The following COL16A1 variants were observed in gnomAD, a reference collection of about 807,000 sequenced individuals.
COL16A1 encodes collagen type XVI alpha 1 chain, also known as collagen alpha-1(XVI) chain.
COL16A1 carries 189 observed loss-of-function variants against 266.3 expected under a neutral mutation model. That is an observed-to-expected ratio of 0.71 (90% CI 0.63 to 0.80). The LOEUF is 0.80. Among genes scored for constraint, COL16A1 ranks in the 30% least tolerant of loss-of-function variants. The probability of loss-of-function intolerance (pLI) is 0.00; values close to 1 mark genes in which losing one functional copy is unlikely to be tolerated. For missense variants in COL16A1, 1,928 were observed against 2,122.4 expected (o/e 0.91, Z 1.80); for synonymous variants, 740 against 782.3 (o/e 0.95, Z 0.90).
In COL16A1 at chr1:31,652,773, G is replaced by C. The variant is rs1171248504; in HGVS notation, c.4693C>G (p.Pro1565Ala). Residue 1565 changes from proline to alanine, a missense_variant, in exon 71 of 71, where the codon CCC (proline) becomes GCC (alanine). Pro to Ala is a conservative substitution (Grantham distance 27, BLOSUM62 -1). This residue lies in a region of COL16A1 where 376 missense variants were observed against 485.2 expected (regional missense o/e 0.77). Transcript: ENST00000373672. This position sits in a 1 kb window ranked among gnomAD's most constrained non-coding sequence, Gnocchi z 4.8. The stretch of plus-strand genomic sequence containing the variant: ...CCTGGCTGGCCCATGGGACCCGGGG[G>C]CCCAGGGATGCCAGGGATGCCTTGC... ...GQQGIPGIPG[P>A]PGPMGQPGKA... The C allele has an allele frequency of 6.3e-6, 10 of 1,599,246 alleles. No individual in the cohort carries two copies. Among genetic ancestry groups the C allele is most frequent in the Non-Finnish European group, 8.5e-6 (10 of 1,175,626 alleles).
chr1:31,691,804 G>C (rs1644283431), intron 17 of COL16A1, among the ~76,000 whole-genome samples, 162 bp from the exon 18 acceptor site: 1 of 151,368 alleles, frequency 6.6e-6, no homozygotes. Context: ...TATGGTGTTA[G>C]AGGTTCGGGG....
intron 4 of COL16A1, among the ~76,000 whole-genome samples, chr1:31,699,165 C>T (rs1644624705): frequency 6.6e-6 from 1 of 152,122 alleles, no homozygotes; most frequent in Non-Finnish European, 1.5e-5. Flanking sequence ...GGTGAAAATA[C>T]AGAGGCACTG....
rs202008432 is a variant in COL16A1, at chr1:31,697,118, A to G, written c.739-30T>C. 560 of 1,613,898 alleles carry G rather than the reference A, an allele frequency of 3.5e-4. 5 individuals carry two copies. The Middle Eastern group carries it at 5.3e-3, about 15-fold the overall frequency. Reference sequence around the variant, plus strand: ...TTGGTGGAAGAGCGGGGCTAGGGTCAGTACAGGAGCAGACTCCTCCTAAGA... The same window carrying G: ...TTGGTGGAAGAGCGGGGCTAGGGTCGGTACAGGAGCAGACTCCTCCTAAGA... On this transcript the variant is annotated intron_variant, in intron 7 of 70. Transcript: ENST00000373672. The surrounding 1 kb of genome is among the most constrained non-coding windows in gnomAD (Gnocchi z 4.2).
chr1:31,658,500 G>T lies in COL16A1; in HGVS notation c.4008C>A (p.His1336Gln), dbSNP rs769339168. 4 of 1,601,960 alleles carry T rather than the reference G, an allele frequency of 2.5e-6. No individual in the cohort carries two copies. The highest frequency in any genetic ancestry group is 1.1e-5 in the South Asian group (1 of 88,222). The change falls in exon 64 of 71, where the codon CAC (histidine) becomes CAA (glutamine). Residue 1336 changes from histidine to glutamine, a missense_variant. His to Gln is a conservative substitution (Grantham distance 24, BLOSUM62 0). This residue lies in a region of COL16A1 where 376 missense variants were observed against 485.2 expected (regional missense o/e 0.77). Coordinates refer to ENST00000373672, the MANE Select transcript of COL16A1 (RefSeq NM_001856.4). The part of the protein sequence containing the change: ...GLPGQPGPPG[H>Q]PGPPGEPGTD... ...TGTGGGATCTTACTGGGGGGCCAGG[G>T]TGTCCAGGGGGGCCGGGCTGGCCTG...
Position 31,691,649 on chromosome 1 carries a change from G to T in COL16A1, c.1258-7C>A. The T allele has an allele frequency of 6.2e-7, 1 of 1,612,910 alleles. No individual in the cohort carries two copies. The highest frequency in any genetic ancestry group is 8.5e-7 in the Non-Finnish European group (1 of 1,179,586). The stretch of plus-strand genomic sequence containing the variant: ...AGATCTCTCCTGGCCGGCCCTGTGG[G>T]GGGATAAGGGGGAGGGTGTACAAAC... On this transcript the variant is annotated splice_polypyrimidine_tract_variant and splice_region_variant and intron_variant, in intron 17 of 70. Coordinates refer to ENST00000373672, the MANE Select transcript of COL16A1 (RefSeq NM_001856.4).
intron 48 of COL16A1, among the ~76,000 whole-genome samples, 164 bp downstream of exon 48, chr1:31,671,451 G>A (rs1642693399): frequency 6.6e-6 from 1 of 152,200 alleles, no homozygotes; most frequent in Admixed American, 6.5e-5. Context: ...GGTGGTGGGA[G>A]AGCACAGTCC....
In COL16A1 at chr1:31,661,457, C is replaced by T. The variant is rs1385445442; in HGVS notation, c.3728G>A (p.Gly1243Asp). ...AGGATGTCCTGTTTTCCCCTTAAAG[C>T]CCTGAAAGAAAAAGCAGGGAGTTCT... ...AGPPGLMGPP[G>D]FKGKTGHPGL... The change falls in exon 60 of 71, where the codon GGC (glycine) becomes GAC (aspartate). Residue 1243 changes from glycine (G) to aspartate (D), a missense_variant and splice_region_variant. This residue lies in a region of COL16A1 where 1,552 missense variants were observed against 1,637.2 expected (regional missense o/e 0.95). Transcript: ENST00000373672. 1.2e-6 allele frequency: 2 copies of T among 1,614,186 alleles called. No homozygotes were observed. The highest frequency in any genetic ancestry group is 1.7e-6 in the Non-Finnish European group (2 of 1,180,048).
In COL16A1 at chr1:31,660,626, C is replaced by T. The variant is rs1268149181; in HGVS notation, c.3838G>A (p.Ala1280Thr). The change falls in exon 62 of 71, where the codon GCC (alanine) becomes ACC (threonine). Residue 1280 changes from alanine (A) to threonine (T), a missense_variant. Around this residue, in one of 2 missense-constraint regions of COL16A1, gnomAD observed 376 missense variants for 485.2 expected, o/e 0.77. Coordinates refer to ENST00000373672, the MANE Select transcript of COL16A1 (RefSeq NM_001856.4). ...GRPGAEGEPG[A>T]MGPQGRPGPP... ...CCGGGTCTTCCCTGGGGTCCCATGG[C>T]ACCAGGTTCACCCTGCAGGAGCCAG... 1.2e-6 allele frequency: 2 copies of T among 1,614,144 alleles called. No individual in the cohort carries two copies. The highest frequency in any genetic ancestry group is 2.2e-5 in the East Asian group (1 of 44,882).
Position 31,688,495 on chromosome 1 carries a change from G to T in COL16A1, c.1775C>A (p.Ala592Asp), listed in dbSNP as rs757109752. 6.2e-6 allele frequency: 10 copies of T among 1,614,066 alleles called. No individual in the cohort carries two copies. In the South Asian group the frequency reaches 1.1e-4, roughly 18 times the overall value. ...CTCTCCTTTCAGCCCTGGAACCCCAGCTCTACCCTGAAAAACAACCAAGAC... is the reference window on the plus strand; with the variant it reads ...CTCTCCTTTCAGCCCTGGAACCCCATCTCTACCCTGAAAAACAACCAAGAC... ...GFGLPGLPGRAGVPGLKGEKG... is the reference protein window; with the variant it reads ...GFGLPGLPGRDGVPGLKGEKG... The change falls in exon 26 of 71, where the codon GCT (alanine) becomes GAT (aspartate). Residue 592 changes from alanine (A) to aspartate (D), a missense_variant. Transcript: ENST00000373672. The surrounding 1 kb of genome is among the most constrained non-coding windows in gnomAD (Gnocchi z 4.9).
chr1:31,689,492 A>C (rs1174295423), intron 23 of COL16A1: 3 of 571,808 alleles, frequency 5.2e-6, no homozygotes, highest in Non-Finnish European at 6.2e-6. Flanking sequence ...AGCTTGCCCA[A>C]AAGGCACCCT....
chr1:31,668,871 C>A lies in COL16A1; in HGVS notation c.3196-16G>T, dbSNP rs1642382262. ...CTTGAAGGCCCTTGGAGAGAAAAAT[C>A]ATGAGAAACTGCAGGAGCCGGCGGT... On this transcript the variant is annotated splice_polypyrimidine_tract_variant and intron_variant, in intron 49 of 70. Transcript: ENST00000373672. The surrounding 1 kb of genome is among the most constrained non-coding windows in gnomAD (Gnocchi z 5.8). 1.2e-6 allele frequency: 2 copies of A among 1,612,642 alleles called. No individual in the cohort carries two copies. Among genetic ancestry groups the A allele is most frequent in the Admixed American group, 1.7e-5 (1 of 59,818 alleles).
intron 69 of COL16A1, 41 bp from the exon 70 acceptor site, chr1:31,653,717 A>T: frequency 3.1e-6 from 5 of 1,599,018 alleles, no homozygotes; most frequent in Non-Finnish European, 4.3e-6. Context: ...CCTGAGCAGA[A>T]AAATGACACA....
chr1:31,703,380 G>A (rs1644788296), intron 1 of COL16A1, among the ~76,000 whole-genome samples: 1 of 151,982 alleles, frequency 6.6e-6, no homozygotes, highest in Non-Finnish European at 1.5e-5. Context: ...CTTCTCCCTG[G>A]GACAGAACTG....
Position 31,685,716 on chromosome 1 carries a change from G to A in COL16A1, c.1939C>T (p.Arg647Cys), listed in dbSNP as rs745543018. ...GATGGGCCAGGCAAGGCCACCACACGGACATCCCCATCCTGAAGGTTGGAC... is the reference window on the plus strand; with the variant it reads ...GATGGGCCAGGCAAGGCCACCACACAGACATCCCCATCCTGAAGGTTGGAC... ...ALSNLQDGDV[R>C]VVALPGPSGE... Residue 647 changes from arginine (R) to cysteine (C), a missense_variant, in exon 29 of 71, where the codon CGT becomes TGT. By Grantham distance (180) the Arg-to-Cys change is radical (BLOSUM62 -3). Around this residue, in one of 2 missense-constraint regions of COL16A1, gnomAD observed 1,552 missense variants for 1,637.2 expected, o/e 0.95. Coordinates refer to ENST00000373672, the MANE Select transcript of COL16A1 (RefSeq NM_001856.4). The surrounding 1 kb of genome is among the most constrained non-coding windows in gnomAD (Gnocchi z 4.0). 9.3e-6 allele frequency: 15 copies of A among 1,613,870 alleles called. No individual in the cohort carries two copies. Among genetic ancestry groups the A allele is most frequent in the Admixed American group, 5.0e-5 (3 of 59,998 alleles).
rs1644669774 is a variant in COL16A1 at position 31,700,077 on chromosome 1, A to G, written c.112T>C (p.Leu38=). The change falls in exon 3 of 71, where the codon TTG becomes CTG. Residue 38 remains leucine (L), a synonymous_variant. Coordinates refer to ENST00000373672, the MANE Select transcript of COL16A1 (RefSeq NM_001856.4). ...CPPSQQEGLK[L]EHSSSLPANV... Reference sequence around the variant, plus strand: ...GCTGGCAGGCTACTACTGTGTTCCAATTTGAGTCCTTCCTGCTGTGAAGGT... The same window carrying G: ...GCTGGCAGGCTACTACTGTGTTCCAGTTTGAGTCCTTCCTGCTGTGAAGGT... The G allele has an allele frequency of 1.9e-6, 3 of 1,614,146 alleles. No homozygotes were observed. The highest frequency in any genetic ancestry group is 2.5e-6 in the Non-Finnish European group (3 of 1,180,030).
intron 2 of COL16A1, 136 bp from the exon 3 acceptor site, chr1:31,700,251 C>T: frequency 1.3e-6 from 1 of 794,610 alleles, no homozygotes; most frequent in Non-Finnish European, 2.1e-6. Flanking sequence ...GCCTTCACCA[C>T]CTGCCTTCTG....
rs536643803 is a variant in COL16A1, at chr1:31,698,780, C to A, written c.267-174G>T. ...CTGAGTGCCTTCCGCGAGCTAGGTG[C>A]GGGTCTGGCTGCTGGGAATAACAGT... On this transcript the variant is annotated intron_variant, in intron 4 of 70. Transcript: ENST00000373672. This position sits in a 1 kb window ranked among gnomAD's most constrained non-coding sequence, Gnocchi z 4.1. Among the ~76,000 whole-genome samples, 2 of 152,128 alleles carry A rather than the reference C, an allele frequency of 1.3e-5. No individual in the cohort carries two copies. The highest frequency in any genetic ancestry group is 4.8e-5 in the African/African-American group (2 of 41,418).
chr1:31,680,090 C>T lies in COL16A1; in HGVS notation c.2622G>A (p.Gly874=), dbSNP rs533481081. 2 of 1,613,468 alleles carry T rather than the reference C, an allele frequency of 1.2e-6. No individual in the cohort carries two copies. The highest frequency in any genetic ancestry group is 2.2e-5 in the South Asian group (2 of 90,936). ...CTCCTTGAGAGGGGCAGGAGCACTC[C>T]CCTGGCTCACCCTGAAAATACAAGA... ...KGPRGEKGEP[G]ECSCPSQGDL... The change falls in exon 40 of 71, where the codon GGG becomes GGA. Residue 874 remains glycine (G), a synonymous_variant. Transcript: ENST00000373672.
At chr1:31,695,523 C>A (rs1259522477) in intron 10 of COL16A1, among the ~76,000 whole-genome samples, 1 of 152,144 alleles carries the variant, frequency 6.6e-6, no homozygotes, top group South Asian at 2.1e-4. Flanking sequence ...GAAGGCTGGG[C>A]TCTCCCCATG....
Sources: gnomAD v4.1 joint callset for allele counts (sites outside exome capture counted in the v4.1 genomes callset) on GRCh38, gnomAD v4.1.1 for gene constraint, gnomAD v4.1.1 regional missense constraint, Gnocchi (gnomAD v3.1) non-coding constraint, MANE v1.5 for transcripts, NCBI Gene and HGNC (gene_info 2026-07-23, HGNC 2026-07-21) for gene names.